SLC4A8: variants seen among roughly 807,000 people sequenced by gnomAD.
SLC4A8 encodes the protein electroneutral sodium bicarbonate exchanger 1.
SLC4A8 carries 40 observed loss-of-function variants against 125.0 expected under a neutral mutation model. That is an observed-to-expected ratio of 0.32 (90% confidence interval 0.25 to 0.42). The LOEUF is 0.42. Ranked by LOEUF, SLC4A8 falls within the 10% of genes least tolerant of loss-of-function variation. The pLI, the probability that SLC4A8 is intolerant of heterozygous loss-of-function variation, is 1.00. For missense variants in SLC4A8, 863 were observed against 1,355.1 expected (o/e 0.64, Z 5.70); for synonymous variants, 456 against 476.0 (o/e 0.96, Z 0.55).
At chr12:51,421,037 C>T (rs893665105), upstream of SLC4A8, among the ~76,000 whole-genome samples, 3 of 151,204 alleles carry the variant, frequency 2.0e-5, no homozygotes, top group Admixed American at 1.3e-4. Flanking sequence ...TGTGTGTGTG[C>T]ATGTGTTGTC....
At chr12:51,447,455 A>G (rs558653291) in intron 2 of SLC4A8, among the ~76,000 whole-genome samples, 1 of 152,216 alleles carries the variant, frequency 6.6e-6, no homozygotes, top group African/African-American at 2.4e-5. Context: ...AAAAATACCA[A>G]GAAGGAAGAT....
At position 51,482,886 on chromosome 12, in the gene SLC4A8, A is replaced by G. The variant is rs867746272; in HGVS notation, c.2173-2901A>G. On this transcript the variant is annotated intron_variant, in intron 16 of 24. Coordinates refer to ENST00000453097, the MANE Select transcript of SLC4A8 (RefSeq NM_001039960.3). ...TTTTTCTGCCTGAAAACCAATGTAT[A>G]TGTAAGACCCCAAGTAAAAAACAAA... 3.6e-4 allele frequency among the ~76,000 whole-genome samples: 55 copies of G among 152,312 alleles called. No individual in the cohort carries two copies. The Middle Eastern group carries it at 0.01, about 28-fold the overall frequency.
In SLC4A8 at chr12:51,398,391, T is replaced by A. The variant is rs139743597; in HGVS notation, c.-112+6903T>A. Among the ~76,000 whole-genome samples, 11 of 152,334 alleles carry A rather than the reference T, an allele frequency of 7.2e-5. No homozygotes were observed. In the East Asian group the frequency reaches 1.9e-3, roughly 27 times the overall value. On this transcript the variant is annotated intron_variant, in intron 1 of 24. Transcript: ENST00000358657. ...GGGTTGTCAAACTGTAACTATGGAC[T>A]TTCTACTTAAATCACACAAGATCAT...
chr12:51,505,036 G>T (rs1938105806), intron 23 of SLC4A8, among the ~76,000 whole-genome samples: 1 of 152,194 alleles, frequency 6.6e-6, no homozygotes, highest in African/African-American at 2.4e-5. Context: ...GTTGGTTGTG[G>T]TTTATACTGT....
intron 2 of SLC4A8, among the ~76,000 whole-genome samples, chr12:51,441,981 G>A (rs1207637130): frequency 2.6e-5 from 4 of 152,182 alleles, no homozygotes; most frequent in Non-Finnish European, 5.9e-5. Context: ...AGGAAAGGGT[G>A]TGGAATGGAA....
At chr12:51,426,475 AAGAT>A (rs1948983998) in intron 1 of SLC4A8, among the ~76,000 whole-genome samples, 1 of 152,230 alleles carries the variant, frequency 6.6e-6, no homozygotes. Context: ...GCTTTGAAGA[AAGAT>A]AGGCAGTGCC....
At chr12:51,436,247 A>T (rs1185232804) in intron 1 of SLC4A8, among the ~76,000 whole-genome samples, 1 of 152,182 alleles carries the variant, frequency 6.6e-6, no homozygotes, top group African/African-American at 2.4e-5. Flanking sequence ...TCAGAATACC[A>T]ACACCAACCC....
chr12:51,440,560 A>G (rs552344969), intron 1 of SLC4A8, 148 bp from the exon 2 acceptor site: 1 of 589,428 alleles, frequency 1.7e-6, no homozygotes, highest in Non-Finnish European at 3.0e-6. Context: ...ATTTGCATCT[A>G]AAAGGTATTG....
At chr12:51,476,540 C>T (rs1950860269) in intron 16 of SLC4A8, among the ~76,000 whole-genome samples, 1 of 151,342 alleles carries the variant, frequency 6.6e-6, no homozygotes, top group African/African-American at 2.4e-5. Context: ...TGATATAGAA[C>T]TGAGAAGAAA....
At chr12:51,506,070 G>A in intron 24 of SLC4A8, 140 bp downstream of exon 24, 1 of 590,748 alleles carries the variant, frequency 1.7e-6, no homozygotes, top group South Asian at 2.1e-5. Flanking sequence ...AACCACATAA[G>A]AATAGCTATA....
chr12:51,430,769 A>G (rs988197818), intron 1 of SLC4A8, among the ~76,000 whole-genome samples: 9 of 152,240 alleles, frequency 5.9e-5, no homozygotes, highest in African/African-American at 9.6e-5. Context: ...AATTGTGTCT[A>G]TTCTAAATCT....
At chr12:51,446,451 T>C (rs774897577) in intron 2 of SLC4A8, among the ~76,000 whole-genome samples, 1 of 152,170 alleles carries the variant, frequency 6.6e-6, no homozygotes, top group Non-Finnish European at 1.5e-5. Flanking sequence ...TAGAGAAAGG[T>C]GTTAGAATGG....
intron 24 of SLC4A8, among the ~76,000 whole-genome samples, chr12:51,506,322 A>G (rs1036692604): frequency 7.9e-5 from 12 of 152,366 alleles, no homozygotes; most frequent in African/African-American, 2.6e-4. Flanking sequence ...GTACTGATAC[A>G]TTCTTTAACC....
intron 1 of SLC4A8, among the ~76,000 whole-genome samples, chr12:51,426,886 G>A (rs1008164743): frequency 6.6e-6 from 1 of 151,746 alleles, no homozygotes; most frequent in Non-Finnish European, 1.5e-5. Flanking sequence ...GAGAGAGAGA[G>A]AGGGCATGAG....
At chr12:51,466,005 A>G (rs541127626) in intron 11 of SLC4A8, among the ~76,000 whole-genome samples, 35 of 152,200 alleles carry the variant, frequency 2.3e-4, no homozygotes, top group Non-Finnish European at 4.1e-4. Context: ...GTCATGTTGC[A>G]CAACCTTGGA....
At chr12:51,493,647 T>C (rs1472811300) in intron 19 of SLC4A8, 57 bp from the exon 20 acceptor site, 12 of 1,075,500 alleles carry the variant, frequency 1.1e-5, no homozygotes, top group Non-Finnish European at 1.7e-5. Flanking sequence ...TATATAGTTT[T>C]GAGTGTGCTA....
rs1342396579 is a variant in SLC4A8, at chr12:51,514,719, G to T, written c.*7281G>T. On this transcript the variant is annotated 3_prime_UTR_variant, in exon 25 of 25. Transcript: ENST00000453097. ...ATCCTTTGTGATTCTTGGTTCCCTT[G>T]GTCTCTTAATATTAATTATAGAGAA... The T allele has an allele frequency of 6.6e-6, 1 of 152,036 alleles. No individual in the cohort carries two copies. Among genetic ancestry groups the T allele is most frequent in the Non-Finnish European group, 1.5e-5 (1 of 68,022 alleles). The allele number at this position is 152,036 out of a possible 1,614,324, so 9.4% of individuals were successfully genotyped here. A position where few individuals can be genotyped will look rare whatever the true frequency, so the allele number is the denominator to read the frequency against.
intron 17 of SLC4A8, among the ~76,000 whole-genome samples, chr12:51,487,936 A>T (rs1282747131): frequency 6.6e-6 from 1 of 152,220 alleles, no homozygotes; most frequent in Non-Finnish European, 1.5e-5. Flanking sequence ...GAATAGTCTA[A>T]GTTATTTATA....
intron 16 of SLC4A8, among the ~76,000 whole-genome samples, chr12:51,476,676 T>C (rs1406926922): frequency 6.6e-6 from 1 of 152,112 alleles, no homozygotes; most frequent in Non-Finnish European, 1.5e-5. Flanking sequence ...AATGGGGATG[T>C]GCTCCCAGTC....
Sources: gnomAD v4.1 joint callset for allele counts (sites outside exome capture counted in the v4.1 genomes callset) on GRCh38, gnomAD v4.1.1 for gene constraint, MANE v1.5 for transcripts, NCBI Gene and HGNC (gene_info 2026-07-23, HGNC 2026-07-21) for gene names.